Variants in SCP2 observed in about 807,000 individuals in gnomAD.
SCP2 encodes sterol carrier protein 2.
SCP2 carries 48 observed loss-of-function variants against 71.4 expected under a neutral mutation model. The ratio of observed to expected loss-of-function variants is 0.67; its 90% CI spans 0.53 to 0.86. The LOEUF (loss-of-function observed/expected upper bound fraction) is 0.86, where lower values mean the gene tolerates loss of function less well. Among genes scored for constraint, SCP2 ranks in the 40% least tolerant of loss-of-function variants. SCP2 has a pLI of 0.00. For missense variants in SCP2, 560 were observed against 655.6 expected (o/e 0.85, Z 1.59); for synonymous variants, 220 against 218.1 (o/e 1.01, Z -0.08).
Position 53,004,033 on chromosome 1 carries a change from G to A in SCP2, c.1082-10857G>A, listed in dbSNP as rs577087088. On this transcript the variant is annotated intron_variant, in intron 11 of 15. Transcript: ENST00000371514. ...AGTAAACTAAGGATGACTTGAACACGAGCAGTACCCATCACAGTACCCATC... is the reference window on the plus strand; with the variant it reads ...AGTAAACTAAGGATGACTTGAACACAAGCAGTACCCATCACAGTACCCATC... 9.9e-5 allele frequency among the ~76,000 whole-genome samples: 15 copies of A among 152,170 alleles called. No individual in the cohort carries two copies. In the East Asian group the frequency reaches 1.5e-3, roughly 16 times the overall value.
At chr1:52,959,569 G>A (rs1170831960) in intron 5 of SCP2, among the ~76,000 whole-genome samples, 1 of 151,746 alleles carries the variant, frequency 6.6e-6, no homozygotes. Context: ...TTTCTTTATG[G>A]GAAAGTTTTC....
intron 1 of SCP2, among the ~76,000 whole-genome samples, chr1:52,933,392 C>T (rs1653347066): frequency 6.6e-6 from 1 of 151,652 alleles, no homozygotes; most frequent in Admixed American, 6.6e-5. Flanking sequence ...CCAGCCTGGG[C>T]AACATGGCAA....
chr1:52,994,824 C>A, intron 11 of SCP2: 1 of 516,434 alleles, frequency 1.9e-6, no homozygotes, highest in East Asian at 4.9e-5. Context: ...TCGACCCCAC[C>A]AGCACCTAAC....
rs184418723 is a variant in SCP2 at position 53,046,339 on chromosome 1, T to A, written c.1469-1519T>A. Reference sequence around the variant, plus strand: ...TAACACTGGGTATTGTCTTTTTTTTTTTTTTTTTAAATTTCAGCCATTTGT... The same window carrying A: ...TAACACTGGGTATTGTCTTTTTTTTATTTTTTTTAAATTTCAGCCATTTGT... On this transcript the variant is annotated intron_variant, in intron 14 of 15. Coordinates refer to ENST00000371514, the MANE Select transcript of SCP2 (RefSeq NM_002979.5). Among the ~76,000 whole-genome samples the A allele has an allele frequency of 1.2e-3, 180 of 152,102 alleles. 4 individuals carry two copies. Among genetic ancestry groups the A allele is most frequent in the Admixed American group, 0.012 (179 of 15,280 alleles).
intron 12 of SCP2, among the ~76,000 whole-genome samples, chr1:53,026,107 A>T (rs1449189106): frequency 6.6e-6 from 1 of 151,860 alleles, no homozygotes; most frequent in Non-Finnish European, 1.5e-5. Context: ...CCTTTTTTTT[A>T]AATTTAAAAT....
chr1:52,988,688 CTTT>C (rs71744669), intron 11 of SCP2, among the ~76,000 whole-genome samples: 7 of 133,412 alleles, frequency 5.2e-5, no homozygotes, highest in African/African-American at 5.9e-5. Flanking sequence ...TCTTTCTTTT[CTTT>C]TTTTTTTTTT....
chr1:52,933,997 C>T (rs920923878), intron 1 of SCP2, among the ~76,000 whole-genome samples: 1 of 152,220 alleles, frequency 6.6e-6, no homozygotes, highest in Admixed American at 6.5e-5. Context: ...CACTAATTTT[C>T]ACTTAAGACC....
chr1:52,930,724 C>T (rs1054996128), intron 1 of SCP2, among the ~76,000 whole-genome samples: 1 of 152,122 alleles, frequency 6.6e-6, no homozygotes, highest in Non-Finnish European at 1.5e-5. Flanking sequence ...TTAATTCTCA[C>T]CACGTAATGG....
At chr1:52,993,156 G>A (rs1277043265) in intron 11 of SCP2, 2 of 1,595,646 alleles carry the variant, frequency 1.3e-6, no homozygotes, top group African/African-American at 1.3e-5. Flanking sequence ...GAGAAGATGA[G>A]GGCTTTTCCT....
intron 1 of SCP2, among the ~76,000 whole-genome samples, chr1:52,935,221 G>T (rs968821642): frequency 6.6e-6 from 1 of 151,300 alleles, no homozygotes; most frequent in Non-Finnish European, 1.5e-5. Context: ...AGCCGAGATC[G>T]CCCCATTGCA....
intron 12 of SCP2, among the ~76,000 whole-genome samples, chr1:53,016,893 A>G (rs1661375924): frequency 6.6e-6 from 1 of 152,204 alleles, no homozygotes; most frequent in African/African-American, 2.4e-5. Context: ...TGGTGGAGAG[A>G]CCAGAGGCCA....
intron 1 of SCP2, among the ~76,000 whole-genome samples, chr1:52,928,514 C>T (rs1346206388): frequency 6.6e-6 from 1 of 152,242 alleles, no homozygotes; most frequent in South Asian, 2.1e-4. Context: ...GGGCCGGTGG[C>T]TCACGCCTGT....
At chr1:53,003,598 C>T (rs1660454557) in intron 11 of SCP2, among the ~76,000 whole-genome samples, 1 of 152,080 alleles carries the variant, frequency 6.6e-6, no homozygotes. Context: ...ATGCTTACTG[C>T]AGTCTCTACT....
At chr1:53,002,305 C>T (rs1244382650) in intron 11 of SCP2, among the ~76,000 whole-genome samples, 1 of 152,094 alleles carries the variant, frequency 6.6e-6, no homozygotes, top group Non-Finnish European at 1.5e-5. Flanking sequence ...CAATACATTG[C>T]ATATTTAAAG....
At chr1:52,980,166 A>G (rs976744324) in intron 9 of SCP2, among the ~76,000 whole-genome samples, 1 of 151,994 alleles carries the variant, frequency 6.6e-6, no homozygotes, top group Non-Finnish European at 1.5e-5. Flanking sequence ...TAGAGACAGG[A>G]TCTTCCATTG....
chr1:52,959,560 T>C (rs762479517), intron 5 of SCP2, among the ~76,000 whole-genome samples: 56 of 152,210 alleles, frequency 3.7e-4, no homozygotes, highest in Non-Finnish European at 6.9e-4. Context: ...GCCTGGTGAT[T>C]TCTTTATGGG....
At chr1:52,991,463 C>T (rs926702164) in intron 11 of SCP2, among the ~76,000 whole-genome samples, 3 of 151,708 alleles carry the variant, frequency 2.0e-5, no homozygotes, top group Non-Finnish European at 4.4e-5. Context: ...CGCAGTAGCG[C>T]GATCTTGGCT....
chr1:52,970,156 G>A (rs931244013), intron 6 of SCP2, among the ~76,000 whole-genome samples: 1 of 151,948 alleles, frequency 6.6e-6, no homozygotes, highest in African/African-American at 2.4e-5. Context: ...TTTCCAGGTG[G>A]ACTTTTAATT....
At chr1:52,956,902 CTTTTTTTTTT>C (rs370787153) in intron 5 of SCP2, among the ~76,000 whole-genome samples, 1 of 105,896 alleles carries the variant, frequency 9.4e-6, no homozygotes, top group East Asian at 2.7e-4. Flanking sequence ...CTCCTTCTGC[CTTTTTTTTTT>C]TTTTTTTTTT....
Sources: gnomAD v4.1 joint callset for allele counts (sites outside exome capture counted in the v4.1 genomes callset) on GRCh38, gnomAD v4.1.1 for gene constraint, MANE v1.5 for transcripts, NCBI Gene and HGNC (gene_info 2026-07-23, HGNC 2026-07-21) for gene names.